Variants in PEG3 observed in about 807,000 individuals in gnomAD.
The protein encoded by PEG3 is paternally-expressed gene 3 protein.
In PEG3, 23 loss-of-function variants were observed where a neutral mutation model predicts 35.5. The observed-to-expected ratio is 0.65, with a 90% confidence interval of 0.47 to 0.92. PEG3 has a LOEUF of 0.92. PEG3 is among the 40% of genes least tolerant of loss of function. The pLI is 0.00. For synonymous variants in PEG3, 707 were observed against 697.0 expected (o/e 1.01, Z -0.23); for missense variants, 1,960 against 1,985.3 (o/e 0.99, Z 0.24).
intron 2 of PEG3, among the ~76,000 whole-genome samples, chr19:56,829,024 G>A (rs1004987571): frequency 1.3e-5 from 2 of 152,114 alleles, no homozygotes; most frequent in Non-Finnish European, 2.9e-5. Flanking sequence ...ATATAGCCAA[G>A]TAGATAAAAT....
rs201606232 is a variant in PEG3 at position 56,814,665 on chromosome 19, A to G, written c.3777T>C (p.Ala1259=). 3.9e-5 allele frequency: 63 copies of G among 1,614,116 alleles called. 1 individual carries two copies. Among genetic ancestry groups the G allele is most frequent in the Non-Finnish European group, 2.5e-6 (3 of 1,180,006 alleles). ...EDDLLEQSQM[A]EEAIIPGLAL... is the part of the protein sequence containing the mutation. ...CTAAGCCTGGAATGATAGCTTCCTC[A>G]GCCATCTGGCTCTGCTCCAGTAAAT... Residue 1259 remains alanine (A), a synonymous_variant, in exon 10 of 10, where the codon GCT becomes GCC. Coordinates refer to ENST00000326441, the MANE Select transcript of PEG3 (RefSeq NM_006210.3). The surrounding 1 kb of genome is among the most constrained non-coding windows in gnomAD (Gnocchi z 5.8).
In PEG3 at chr19:56,817,507, C is replaced by T. The variant is rs750037403; in HGVS notation, c.935G>A (p.Gly312Glu). 2.5e-6 allele frequency: 4 copies of T among 1,610,676 alleles called. No individual in the cohort carries two copies. The highest frequency in any genetic ancestry group is 1.7e-4 in the Middle Eastern group (1 of 6,042). ...RGICEDESSH[G>E]VIMEKFIKDV... The stretch of plus-strand genomic sequence containing the variant: ...CTTGATGAATTTTTCCATTATCACT[C>T]CGTGGGAAGATTCATCTTCACAAAT... Residue 312 changes from glycine to glutamate, a missense_variant, in exon 10 of 10, where the codon GGA becomes GAA. Coordinates refer to ENST00000326441, the MANE Select transcript of PEG3 (RefSeq NM_006210.3).
intron 1 of PEG3, among the ~76,000 whole-genome samples, chr19:56,839,777 T>C (rs879447237): frequency 3.9e-5 from 6 of 152,156 alleles, no homozygotes; most frequent in Non-Finnish European, 7.3e-5. Flanking sequence ...GAACAGCGCC[T>C]GCGCGGCAAA....
chr19:56,815,047 T>C lies in PEG3; in HGVS notation c.3395A>G (p.Lys1132Arg), dbSNP rs754169946. The C allele has an allele frequency of 1.7e-5, 27 of 1,614,090 alleles. No individual in the cohort carries two copies. The highest frequency in any genetic ancestry group is 2.3e-5 in the Non-Finnish European group (27 of 1,180,046). ...GTACTCCCGACTGTCAACCAGGCACTTCCTGCTGTGGACTTTCTGATGGTC... is the reference window on the plus strand; with the variant it reads ...GTACTCCCGACTGTCAACCAGGCACCTCCTGCTGTGGACTTTCTGATGGTC... ...LTDHQKVHSR[K>R]CLVDSREYTH... is the part of the protein sequence containing the mutation. The change falls in exon 10 of 10, where the codon AAG becomes AGG. Residue 1132 changes from lysine (K) to arginine (R), a missense_variant. Around this residue, in one of 5 missense-constraint regions of PEG3, gnomAD observed 124 missense variants for 179.6 expected, o/e 0.69. Transcript: ENST00000326441.
chr19:56,832,117 CTG>C (rs1163358105), intron 2 of PEG3, among the ~76,000 whole-genome samples: 2 of 152,216 alleles, frequency 1.3e-5, no homozygotes, highest in Admixed American at 6.5e-5. Context: ...TAACAAGTCT[CTG>C]TTTCTTTTTC....
chr19:56,835,853 A>G lies in PEG3; in HGVS notation c.-163+165T>C, dbSNP rs181410972. 2.7e-3 allele frequency among the ~76,000 whole-genome samples: 410 copies of G among 152,358 alleles called. 1 individual carries two copies. Among genetic ancestry groups the G allele is most frequent in the African/African-American group, 9.4e-3 (393 of 41,588 alleles). On this transcript the variant is annotated intron_variant, in intron 2 of 9. Coordinates refer to ENST00000326441, the MANE Select transcript of PEG3 (RefSeq NM_006210.3). Reference sequence around the variant, plus strand: ...TGGTGTGAGGCCAAGGAGAATTTTTAGAGAATACACAATCCACCAGAAGAG... The same window carrying G: ...TGGTGTGAGGCCAAGGAGAATTTTTGGAGAATACACAATCCACCAGAAGAG...
chr19:56,820,810 G>C (rs1482341765), intron 7 of PEG3, among the ~76,000 whole-genome samples: 3 of 152,200 alleles, frequency 2.0e-5, no homozygotes, highest in Non-Finnish European at 4.4e-5. Flanking sequence ...GCCCCTCTCT[G>C]TGTTGCTCAC....
At chr19:56,821,558 G>T (rs549583937) in intron 7 of PEG3, 93 bp downstream of exon 7, 1 of 1,488,014 alleles carries the variant, frequency 6.7e-7, no homozygotes. Flanking sequence ...CTGGACTCTA[G>T]GGGGCAGATA....
rs769481702 is a variant in PEG3, at chr19:56,818,645, T to C, written c.727A>G (p.Thr243Ala). The change falls in exon 8 of 10, where the codon ACA becomes GCA. Residue 243 changes from threonine (T) to alanine (A), a missense_variant. Coordinates refer to ENST00000326441, the MANE Select transcript of PEG3 (RefSeq NM_006210.3). ...DLAEDRKPHN[T>A]IQDNMENYRK... ...TAGTTTTCCATGTTGTCCTGGATTG[T>C]GTTGTGAGGTTTCCTGTCCTCAGCG... 1.1e-5 allele frequency: 17 copies of C among 1,614,048 alleles called. No individual in the cohort carries two copies. In the South Asian group the frequency reaches 1.8e-4, roughly 17 times the overall value.
Position 56,815,985 on chromosome 19 carries a change from A to C in PEG3, c.2457T>G (p.Arg819=), listed in dbSNP as rs775467849. ...SFDAINHQRV[R]AGGNTSEGRE... ...TTCCTTCAGAGGTGTTCCCTCCAGC[A>C]CGAACTCTCTGATGGTTGATAGCAT... The change falls in exon 10 of 10, where the codon CGT becomes CGG. Residue 819 remains arginine (R), a synonymous_variant. Transcript: ENST00000326441. The C allele has an allele frequency of 5.0e-5, 79 of 1,584,782 alleles. 1 individual carries two copies. The South Asian group carries it at 9.0e-4, about 18-fold the overall frequency.
At chr19:56,819,648 T>C (rs2060290767) in intron 7 of PEG3, among the ~76,000 whole-genome samples, 2 of 152,198 alleles carry the variant, frequency 1.3e-5, no homozygotes, top group Non-Finnish European at 2.9e-5. Flanking sequence ...CGGAAATCTT[T>C]TTGAACCTTT....
In PEG3 at chr19:56,832,520, C is replaced by T. The variant is rs77902792; in HGVS notation, c.-163+3498G>A. ...CCTGGCTTGAAGGTGGGCTCCCACACACCCCTCATTACTAAAGCTTCCATA... is the reference window on the plus strand; with the variant it reads ...CCTGGCTTGAAGGTGGGCTCCCACATACCCCTCATTACTAAAGCTTCCATA... On this transcript the variant is annotated intron_variant, in intron 2 of 9. Transcript: ENST00000326441. Among the ~76,000 whole-genome samples the T allele has an allele frequency of 5.2e-3, 792 of 152,360 alleles. 10 individuals are homozygous for T. The highest frequency in any genetic ancestry group is 0.018 in the African/African-American group (762 of 41,578).
intron 2 of PEG3, among the ~76,000 whole-genome samples, chr19:56,830,927 CA>C (rs2061512935): frequency 6.8e-6 from 1 of 148,082 alleles, no homozygotes; most frequent in African/African-American, 2.5e-5. Context: ...ACTGAATCAC[CA>C]AAAAAATAAA....
intron 2 of PEG3, among the ~76,000 whole-genome samples, chr19:56,828,125 T>C (rs1029288716): frequency 1.3e-5 from 2 of 152,162 alleles, no homozygotes; most frequent in African/African-American, 4.8e-5. Flanking sequence ...ACAGAGCAGG[T>C]GCAGGCAGCC....
chr19:56,817,237 C>T lies in PEG3; in HGVS notation c.1205G>A (p.Gly402Asp). ...ACAGCCTTTTTGATCGTGAATCGAG[C>T]CCTTCCCATCTGTGTCAAAATGATA... ...RRYHFDTDGK[G>D]SIHDQKGCPR... Residue 402 changes from glycine to aspartate, a missense_variant, in exon 10 of 10, where the codon GGC becomes GAC. Gly to Asp is a moderately conservative substitution (Grantham distance 94). Transcript: ENST00000326441. The T allele has an allele frequency of 1.2e-6, 2 of 1,614,106 alleles. No individual in the cohort carries two copies. The highest frequency in any genetic ancestry group is 1.7e-6 in the Non-Finnish European group (2 of 1,179,958).
chr19:56,836,834 G>C (rs2062163099), intron 1 of PEG3, among the ~76,000 whole-genome samples: 1 of 151,992 alleles, frequency 6.6e-6, no homozygotes, highest in African/African-American at 2.4e-5. Flanking sequence ...TGGGCATGGT[G>C]GCGCGCGCCT....
chr19:56,810,560 A>G lies in PEG3; in HGVS notation c.*3115T>C. 1.1e-6 allele frequency: 1 copy of G among 941,256 alleles called. No homozygotes were observed. The allele number at this position is 941,256 out of a possible 1,614,324, so 58.3% of individuals were successfully genotyped here. A position where few individuals can be genotyped will look rare whatever the true frequency, so the allele number is the denominator to read the frequency against. ...CTTTACTGAATTTCCAAAGTTTTGT[A>G]TGAGTATGTATTATATTTGTAATGG... On this transcript the variant is annotated 3_prime_UTR_variant, in exon 10 of 10. Coordinates refer to ENST00000326441, the MANE Select transcript of PEG3 (RefSeq NM_006210.3).
At position 56,811,303 on chromosome 19, in the gene PEG3, G is replaced by A; in HGVS notation, c.*2372C>T. On this transcript the variant is annotated 3_prime_UTR_variant, in exon 10 of 10. Coordinates refer to ENST00000326441, the MANE Select transcript of PEG3 (RefSeq NM_006210.3). ...CTATAAGCATATATATTTTTAAACA[G>A]TTATAATGAACTGTTTAAATGAACT... 1 of 912,722 alleles carries A rather than the reference G, an allele frequency of 1.1e-6. No homozygotes were observed. The highest frequency in any genetic ancestry group is 1.3e-6 in the Non-Finnish European group (1 of 763,746). The allele number at this position is 912,722 out of a possible 1,614,324, so 56.5% of individuals were successfully genotyped here. A position where few individuals can be genotyped will look rare whatever the true frequency, so the allele number is the denominator to read the frequency against.
intron 5 of PEG3, 81 bp from the exon 6 acceptor site, chr19:56,822,917 G>A: frequency 1.3e-6 from 2 of 1,528,634 alleles, no homozygotes; most frequent in Non-Finnish European, 1.8e-6. Flanking sequence ...ACACCCCTCT[G>A]GAAAGAGATG....
Sources: allele counts gnomAD v4.1 joint callset (sites outside exome capture counted in the v4.1 genomes callset), GRCh38; gene constraint gnomAD v4.1.1; regional missense constraint gnomAD v4.1.1; non-coding constraint Gnocchi (gnomAD v3.1); transcripts MANE v1.5; gene names NCBI Gene and HGNC (gene_info 2026-07-23, HGNC 2026-07-21).